LRRC7: variants seen among roughly 807,000 people sequenced by gnomAD.
The protein encoded by LRRC7 is leucine-rich repeat-containing protein 7.
Under a neutral mutation model 175.7 loss-of-function variants are expected in LRRC7, and 23 were observed. That is an observed-to-expected ratio of 0.13 (90% CI 0.09 to 0.19). The LOEUF is 0.19. Among genes scored for constraint, LRRC7 ranks in the 10% least tolerant of loss-of-function variants. LRRC7 has a pLI of 1.00. For missense variants in LRRC7, 1,354 were observed against 1,904.7 expected (o/e 0.71, Z 5.38); for synonymous variants, 685 against 680.9 (o/e 1.01, Z -0.09).
intron 25 of LRRC7, among the ~76,000 whole-genome samples, chr1:70,092,028 A>G (rs568239420): frequency 1.1e-4 from 17 of 152,242 alleles, no homozygotes; most frequent in Non-Finnish European, 2.2e-4. Context: ...CAGAGGATCT[A>G]AAGACACTGA....
chr1:69,708,436 G>A (rs932879958), intron 2 of LRRC7, among the ~76,000 whole-genome samples: 3 of 151,982 alleles, frequency 2.0e-5, no homozygotes, highest in Non-Finnish European at 4.4e-5. Flanking sequence ...ACATACCTTA[G>A]TGCCTTTTTG....
At chr1:70,103,523 A>T (rs1163539427) in intron 25 of LRRC7, among the ~76,000 whole-genome samples, 1 of 152,176 alleles carries the variant, frequency 6.6e-6, no homozygotes, top group African/African-American at 2.4e-5. Context: ...CCTAGAAGCT[A>T]CATAAGGCAG....
intron 2 of LRRC7, among the ~76,000 whole-genome samples, chr1:69,718,113 G>GAAAA (rs1553146072): frequency 1.3e-5 from 1 of 75,652 alleles, no homozygotes; most frequent in African/African-American, 4.5e-5. Context: ...GAGAGAAAAA[G>GAAAA]AAAGAAAGAA....
At chr1:69,760,056 C>CGT (rs1022837265) in intron 2 of LRRC7, 135 bp from the exon 3 acceptor site, 5 of 803,212 alleles carry the variant, frequency 6.2e-6, no homozygotes, top group African/African-American at 3.5e-5. Flanking sequence ...TGATACAATG[C>CGT]GTGTGTGTGT....
chr1:70,014,987 T>C (rs1404381432), intron 13 of LRRC7, among the ~76,000 whole-genome samples: 2 of 152,062 alleles, frequency 1.3e-5, no homozygotes, highest in African/African-American at 4.8e-5. Flanking sequence ...GTAATTTCAG[T>C]GCAGCAGAAT....
intron 7 of LRRC7, among the ~76,000 whole-genome samples, chr1:69,910,514 C>G (rs1303731966): frequency 6.6e-6 from 1 of 152,192 alleles, no homozygotes; most frequent in Non-Finnish European, 1.5e-5. Flanking sequence ...TGTAGAACAG[C>G]AGACCTTGGT....
intron 1 of LRRC7, among the ~76,000 whole-genome samples, chr1:69,573,940 A>T (rs7553403): frequency 0.089 from 13,468 of 152,146 alleles, 641 homozygotes; most frequent in South Asian, 0.11. Flanking sequence ...ATTCATTTAT[A>T]GGCTTCTTAA....
rs1040793370 is a variant in LRRC7 at position 70,036,767 on chromosome 1, G to A, written c.2288+143G>A. On this transcript the variant is annotated intron_variant, in intron 20 of 26. Transcript: ENST00000651989. ...AGGGGCAGGTAAGCAAATGTTGTTC[G>A]CCTGGGACTGCCAGGAACAGATGAA... The A allele has an allele frequency of 9.5e-5, 76 of 802,926 alleles. 1 individual carries two copies. Among genetic ancestry groups the A allele is most frequent in the East Asian group, 3.7e-4 (14 of 37,772 alleles). 49.7% of individuals were successfully genotyped at this position (802,926 alleles called of 1,614,324 possible).
rs745622801 is a variant in LRRC7 at position 69,783,709 on chromosome 1, G to A, written c.304-8334G>A. 6.9e-5 allele frequency among the ~76,000 whole-genome samples: 9 copies of A among 131,142 alleles called. No homozygotes were observed. The South Asian group carries it at 1.0e-3, about 15-fold the overall frequency. The allele number at this position is 131,142 out of a possible 152,430, so 86.0% of individuals were successfully genotyped here. On this transcript the variant is annotated intron_variant, in intron 3 of 26. Transcript: ENST00000651989. ...GGAGGTTGCAGTGAGCCGAGATCAC[G>A]CCACTGCACTCCAGCCTGGACGACA...
chr1:69,990,962 C>T (rs934300490), intron 10 of LRRC7, among the ~76,000 whole-genome samples: 1 of 151,994 alleles, frequency 6.6e-6, no homozygotes, highest in Non-Finnish European at 1.5e-5. Context: ...GGTTACCAGA[C>T]TGGGCAACAC....
intron 10 of LRRC7, among the ~76,000 whole-genome samples, chr1:69,992,203 G>T (rs1654506136): frequency 6.6e-6 from 1 of 152,062 alleles, no homozygotes; most frequent in Non-Finnish European, 1.5e-5. Context: ...TCTTAGATTT[G>T]ATGAGTGCAC....
At chr1:70,085,535 T>C (rs1663539130) in intron 24 of LRRC7, among the ~76,000 whole-genome samples, 1 of 152,180 alleles carries the variant, frequency 6.6e-6, no homozygotes, top group South Asian at 2.1e-4. Flanking sequence ...GCATTTATAA[T>C]TGCTGTCCCC....
chr1:69,992,115 A>G (rs1418431968), intron 10 of LRRC7, among the ~76,000 whole-genome samples: 2 of 152,132 alleles, frequency 1.3e-5, no homozygotes, highest in Non-Finnish European at 2.9e-5. Flanking sequence ...CCTCAGTTTC[A>G]TCATCTATTA....
chr1:69,629,389 A>T, intron 1 of LRRC7, among the ~76,000 whole-genome samples: 1 of 152,286 alleles, frequency 6.6e-6, no homozygotes. Context: ...AAGTATTAAA[A>T]TATTTATAGT....
intron 2 of LRRC7, among the ~76,000 whole-genome samples, chr1:69,731,516 A>G (rs1396934684): frequency 7.9e-5 from 12 of 152,230 alleles, no homozygotes; most frequent in Admixed American, 7.2e-4. Flanking sequence ...AAGAAACACA[A>G]GAAAATGTGC....
intron 4 of LRRC7, among the ~76,000 whole-genome samples, chr1:69,811,620 G>T (rs1422213157): frequency 6.6e-6 from 1 of 152,068 alleles, no homozygotes; most frequent in Non-Finnish European, 1.5e-5. Context: ...GTCCTTTGCC[G>T]GGACCTGGAT....
intron 1 of LRRC7, among the ~76,000 whole-genome samples, chr1:69,623,631 A>G (rs891986577): frequency 8.6e-5 from 13 of 150,806 alleles, no homozygotes; most frequent in African/African-American, 2.9e-4. Flanking sequence ...GCTCACCGCA[A>G]CCTCTGCCTC....
intron 25 of LRRC7, among the ~76,000 whole-genome samples, chr1:70,105,301 A>C (rs1237525336): frequency 3.3e-5 from 5 of 152,220 alleles, no homozygotes; most frequent in Admixed American, 3.3e-4. Flanking sequence ...CTGTTAAAGC[A>C]TCACTCCTGA....
chr1:69,725,489 T>C (rs1007414685), intron 2 of LRRC7, among the ~76,000 whole-genome samples: 3 of 152,128 alleles, frequency 2.0e-5, no homozygotes, highest in African/African-American at 7.2e-5. Flanking sequence ...TAACCTAAAA[T>C]TGAAAACCAA....
Sources: gnomAD v4.1 joint callset for allele counts (sites outside exome capture counted in the v4.1 genomes callset) on GRCh38, gnomAD v4.1.1 for gene constraint, MANE v1.5 for transcripts, NCBI Gene and HGNC (gene_info 2026-07-23, HGNC 2026-07-21) for gene names.